The following SAMSN1 variants were observed in gnomAD, a reference collection of about 807,000 sequenced individuals.
SAMSN1 encodes the protein SAM domain-containing protein SAMSN-1.
In SAMSN1, 31 loss-of-function variants were observed where a neutral mutation model predicts 42.0. The observed-to-expected ratio is 0.74, with a 90% CI of 0.55 to 1.00. The LOEUF is 1.00. SAMSN1 is among the 50% of genes least tolerant of loss of function. The pLI is 0.00. For synonymous variants in SAMSN1, 178 were observed against 151.9 expected, an observed-to-expected ratio of 1.17 and a Z score of -1.26; for missense variants, 464 against 439.4, an observed-to-expected ratio of 1.06 and a Z score of -0.50.
chr21:14,590,099 A>C (rs1438861348), intron 7 of SAMSN1, among the ~76,000 whole-genome samples: 1 of 152,172 alleles, frequency 6.6e-6, no homozygotes, highest in African/African-American at 2.4e-5. Context: ...CATAGGGCTT[A>C]GAAATTTTTT....
At chr21:14,569,294 C>T (rs1981216765) in intron 2 of SAMSN1, among the ~76,000 whole-genome samples, 1 of 152,086 alleles carries the variant, frequency 6.6e-6, no homozygotes, top group African/African-American at 2.4e-5. Flanking sequence ...GACCCTATCT[C>T]TAAACAAAAA....
intron 1 of SAMSN1, among the ~76,000 whole-genome samples, chr21:14,653,649 G>A (rs1036036248): frequency 3.9e-5 from 6 of 152,020 alleles, no homozygotes; most frequent in Admixed American, 3.3e-4. Context: ...TTTAAAGGGT[G>A]TAAGTGGAAT....
At chr21:14,635,539 A>C (rs1344031351) in intron 2 of SAMSN1, among the ~76,000 whole-genome samples, 1 of 152,196 alleles carries the variant, frequency 6.6e-6, no homozygotes, top group Non-Finnish European at 1.5e-5. Context: ...AATGCGCATC[A>C]ACAGTAAATC....
At chr21:14,506,471 A>G (rs1987410907) in intron 5 of SAMSN1, among the ~76,000 whole-genome samples, 1 of 152,202 alleles carries the variant, frequency 6.6e-6, no homozygotes, top group Non-Finnish European at 1.5e-5. Flanking sequence ...CTGGAAAGAT[A>G]CAACTCTCCT....
chr21:14,555,854 G>T (rs1331086522), intron 2 of SAMSN1, among the ~76,000 whole-genome samples: 1 of 152,136 alleles, frequency 6.6e-6, no homozygotes, highest in Non-Finnish European at 1.5e-5. Flanking sequence ...AGAACAAATT[G>T]ATCTAAATTT....
intron 1 of SAMSN1, among the ~76,000 whole-genome samples, chr21:14,649,414 A>G (rs1983785762): frequency 3.3e-5 from 5 of 152,244 alleles, no homozygotes; most frequent in Middle Eastern, 3.4e-3. Flanking sequence ...CCTAAAACTT[A>G]AAGTATAACA....
chr21:14,512,924 C>T (rs1568778252), intron 3 of SAMSN1, among the ~76,000 whole-genome samples: 2 of 152,074 alleles, frequency 1.3e-5, no homozygotes, highest in Admixed American at 6.6e-5. Flanking sequence ...TCATGTTGTC[C>T]TTATGCTCTA....
rs189822806 is a variant in SAMSN1 at position 14,601,494 on chromosome 21, A to T, written c.399+529T>A. On this transcript the variant is annotated intron_variant, in intron 6 of 15. Transcript: ENST00000647101. ...GAACCTCATGGCTGTCAGAGAAAATATCAAAAGTCAGTCTGATGCCTGAAT... is the reference window on the plus strand; with the variant it reads ...GAACCTCATGGCTGTCAGAGAAAATTTCAAAAGTCAGTCTGATGCCTGAAT... Among the ~76,000 whole-genome samples, 733 of 152,326 alleles carry T rather than the reference A, an allele frequency of 4.8e-3. 7 individuals carry two copies. Among genetic ancestry groups the T allele is most frequent in the African/African-American group, 0.017 (687 of 41,558 alleles).
chr21:14,616,055 A>G, intron 2 of SAMSN1: 1 of 560,350 alleles, frequency 1.8e-6, no homozygotes. Context: ...AAAATAAATA[A>G]CATAAAATAA....
chr21:14,588,932 TTA>T (rs1410873594), intron 7 of SAMSN1, among the ~76,000 whole-genome samples: 2 of 152,180 alleles, frequency 1.3e-5, no homozygotes, highest in African/African-American at 4.8e-5. Flanking sequence ...AAAATGGTAA[TTA>T]TATGTTAATG....
chr21:14,613,266 T>G (rs111490327), intron 3 of SAMSN1, among the ~76,000 whole-genome samples: 33 of 152,300 alleles, frequency 2.2e-4, no homozygotes, highest in Admixed American at 5.2e-4. Context: ...TGATGTAAAT[T>G]GTATATAACC....
chr21:14,652,903 A>G (rs1388179235), intron 1 of SAMSN1, among the ~76,000 whole-genome samples: 1 of 152,102 alleles, frequency 6.6e-6, no homozygotes, highest in Admixed American at 6.6e-5. Flanking sequence ...CCAAAAGAGG[A>G]CATACAAATG....
intron 3 of SAMSN1, among the ~76,000 whole-genome samples, chr21:14,513,155 G>A (rs955452242): frequency 6.6e-6 from 1 of 152,136 alleles, no homozygotes; most frequent in Non-Finnish European, 1.5e-5. Context: ...AATTAGAAAA[G>A]ACAGACAATT....
intron 5 of SAMSN1, among the ~76,000 whole-genome samples, chr21:14,503,801 T>A (rs1255525338): frequency 6.6e-6 from 1 of 151,976 alleles, no homozygotes; most frequent in Non-Finnish European, 1.5e-5. Context: ...CAGAAATAAA[T>A]TAGGAAACCT....
intron 5 of SAMSN1, among the ~76,000 whole-genome samples, chr21:14,608,191 C>T (rs547314577): frequency 8.5e-5 from 13 of 152,290 alleles, no homozygotes; most frequent in African/African-American, 2.2e-4. Context: ...ACATCATATC[C>T]TTGAAAGAGC....
At chr21:14,643,486 G>A (rs1229808899) in intron 1 of SAMSN1, among the ~76,000 whole-genome samples, 3 of 152,104 alleles carry the variant, frequency 2.0e-5, no homozygotes, top group Non-Finnish European at 4.4e-5. Context: ...AAACTGTGTT[G>A]GTTACAGATT....
intron 1 of SAMSN1, among the ~76,000 whole-genome samples, chr21:14,540,394 CT>C (rs1285804834): frequency 1.3e-5 from 2 of 152,290 alleles, no homozygotes; most frequent in East Asian, 3.9e-4. Context: ...ATCTACTCAT[CT>C]GACAAAGCGC....
intron 2 of SAMSN1, among the ~76,000 whole-genome samples, chr21:14,639,323 C>A (rs1983540458): frequency 6.6e-6 from 1 of 152,126 alleles, no homozygotes; most frequent in African/African-American, 2.4e-5. Flanking sequence ...AAGTCCAAGA[C>A]AGAGGGGCCA....
At chr21:14,623,536 TA>T (rs1386633616) in intron 2 of SAMSN1, among the ~76,000 whole-genome samples, 1 of 152,168 alleles carries the variant, frequency 6.6e-6, no homozygotes, top group African/African-American at 2.4e-5. Flanking sequence ...AGAAGACCAT[TA>T]CATAATAGTA....
Sources: allele counts gnomAD v4.1 joint callset (sites outside exome capture counted in the v4.1 genomes callset), GRCh38; gene constraint gnomAD v4.1.1; transcripts MANE v1.5; gene names NCBI Gene and HGNC (gene_info 2026-07-23, HGNC 2026-07-21).